SAMMSON: variants seen among roughly 807,000 people sequenced by gnomAD.
SAMMSON encodes survival associated mitochondrial melanoma specific oncogenic non-coding RNA.
At chr3:70,410,901 G>T (rs1271462594) in intron 2 of SAMMSON, among the ~76,000 whole-genome samples, 1 of 152,044 alleles carries the variant, frequency 6.6e-6, no homozygotes, top group African/African-American at 2.4e-5. Flanking sequence ...TAAGAAATTG[G>T]CATCTTTTAC....
Position 70,399,919 on chromosome 3 carries a change from T to TA in SAMMSON, n.233+41596dup, listed in dbSNP as rs1260766772. 1.2e-3 allele frequency among the ~76,000 whole-genome samples: 169 copies of TA among 146,358 alleles called. 4 individuals are homozygous for TA. The highest frequency in any genetic ancestry group is 4.3e-3 in the African/African-American group (161 of 37,754). ...ACCAAAACAACACCAACAACAAAAA[T>TA]ACTTTTGTGTATATCAGTTTTTCTC... On this transcript the variant is annotated intron_variant and non_coding_transcript_variant, in intron 2 of 3. Coordinates refer to the SAMMSON transcript ENST00000641053.
intron 3 of SAMMSON, among the ~76,000 whole-genome samples, chr3:70,037,868 G>T (rs1439940696): frequency 6.6e-6 from 1 of 152,148 alleles, no homozygotes; most frequent in Non-Finnish European, 1.5e-5. Context: ...GGAATTGTCA[G>T]ATAAAGCTAA....
chr3:70,268,358 G>C (rs1379932373), intron 6 of SAMMSON, among the ~76,000 whole-genome samples: 1 of 151,458 alleles, frequency 6.6e-6, no homozygotes, highest in Non-Finnish European at 1.5e-5. Context: ...ACCTGTAGTC[G>C]TAGCTACTTG....
At chr3:70,043,598 G>C (rs1430755511) in intron 3 of SAMMSON, among the ~76,000 whole-genome samples, 5 of 152,026 alleles carry the variant, frequency 3.3e-5, no homozygotes, top group African/African-American at 7.2e-5. Context: ...GGTACCAGTA[G>C]TTTTTTCTCT....
At chr3:70,306,271 C>T (rs2106705696) in intron 7 of SAMMSON, among the ~76,000 whole-genome samples, 1 of 152,140 alleles carries the variant, frequency 6.6e-6, no homozygotes, top group Admixed American at 6.5e-5. Flanking sequence ...ACGTGGCTAG[C>T]CCGGCTAATT....
At chr3:70,189,888 G>A (rs1276679351) in intron 4 of SAMMSON, among the ~76,000 whole-genome samples, 2 of 152,140 alleles carry the variant, frequency 1.3e-5, no homozygotes, top group Non-Finnish European at 2.9e-5. Context: ...TGCAGCTCCA[G>A]CTTTCAAAGA....
chr3:70,349,397 G>C (rs1030435019), intron 7 of SAMMSON, among the ~76,000 whole-genome samples: 1 of 151,836 alleles, frequency 6.6e-6, no homozygotes, highest in Non-Finnish European at 1.5e-5. Context: ...AATAATGGGA[G>C]GTCAGCTTTC....
At chr3:70,429,122 C>A (rs1203584210) in intron 2 of SAMMSON, among the ~76,000 whole-genome samples, 1 of 151,820 alleles carries the variant, frequency 6.6e-6, no homozygotes, top group Non-Finnish European at 1.5e-5. Context: ...GTCTTTAATC[C>A]ATCTTGAGTT....
At position 70,241,920 on chromosome 3, in the gene SAMMSON, A is replaced by T. The variant is rs1701669702; in HGVS notation, n.508-7187A>T. On this transcript the variant is annotated intron_variant and non_coding_transcript_variant, in intron 4 of 9. Coordinates refer to ENST00000642114, the Ensembl canonical transcript of SAMMSON. The stretch of plus-strand genomic sequence containing the variant: ...TGCCTGAGTCCAATAACCTGTGCTC[A>T]AAAGTTTCATTCTAAACTGTATAAT... 2.6e-5 allele frequency among the ~76,000 whole-genome samples: 4 copies of T among 152,230 alleles called. 1 individual carries two copies. In the South Asian group the frequency reaches 8.3e-4, roughly 31 times the overall value.
intron 4 of SAMMSON, among the ~76,000 whole-genome samples, chr3:70,224,095 T>C (rs2106738952): frequency 6.6e-6 from 1 of 152,224 alleles, no homozygotes; most frequent in South Asian, 2.1e-4. Context: ...TAGTGTAAAA[T>C]CCAAATCCCT....
chr3:70,205,046 C>G (rs1701277681), intron 4 of SAMMSON: 1 of 152,088 alleles, frequency 6.6e-6, no homozygotes, highest in Non-Finnish European at 1.5e-5. Flanking sequence ...ATCCTGAATT[C>G]AGAGTCATAA....
At chr3:70,157,285 G>A (rs892858924) in intron 4 of SAMMSON, among the ~76,000 whole-genome samples, 3 of 152,068 alleles carry the variant, frequency 2.0e-5, no homozygotes, top group South Asian at 4.1e-4. Context: ...TACGAGGAAC[G>A]ATGGTGAAGA....
chr3:70,419,703 A>G (rs1255372665), intron 2 of SAMMSON, among the ~76,000 whole-genome samples: 2 of 152,112 alleles, frequency 1.3e-5, no homozygotes, highest in Non-Finnish European at 2.9e-5. Flanking sequence ...TAGTGGTGCA[A>G]TTTCGGCTCA....
At chr3:70,130,762 T>C (rs566825570) in intron 4 of SAMMSON, among the ~76,000 whole-genome samples, 1 of 152,214 alleles carries the variant, frequency 6.6e-6, no homozygotes, top group Admixed American at 6.5e-5. Context: ...AACAAAACCA[T>C]GTGAGTGAAT....
At chr3:70,200,016 C>A (rs996445866) in intron 4 of SAMMSON, among the ~76,000 whole-genome samples, 1 of 152,138 alleles carries the variant, frequency 6.6e-6, no homozygotes, top group Non-Finnish European at 1.5e-5. Flanking sequence ...CAGATGAATT[C>A]GGCAGAAACC....
At chr3:70,381,681 A>AG (rs1237824088) in intron 9 of SAMMSON, among the ~76,000 whole-genome samples, 6 of 152,112 alleles carry the variant, frequency 3.9e-5, no homozygotes, top group Non-Finnish European at 7.4e-5. Context: ...AAGTAAGGGG[A>AG]GAAAAAAAAA....
intron 2 of SAMMSON, among the ~76,000 whole-genome samples, chr3:70,399,879 A>C (rs113965758): frequency 6.7e-6 from 1 of 149,064 alleles, no homozygotes; most frequent in South Asian, 2.1e-4. Flanking sequence ...AAAAAAAAAC[A>C]AAAAAACCCA....
intron 7 of SAMMSON, among the ~76,000 whole-genome samples, chr3:70,349,379 A>T (rs529262367): frequency 3.3e-5 from 5 of 152,276 alleles, no homozygotes; most frequent in Non-Finnish European, 7.3e-5. Flanking sequence ...GTCTTAAAAA[A>T]AAAATAAAAT....
intron 4 of SAMMSON, among the ~76,000 whole-genome samples, chr3:70,170,244 T>C (rs1700924417): frequency 6.6e-6 from 1 of 151,874 alleles, no homozygotes; most frequent in African/African-American, 2.4e-5. Context: ...TTTGTGCAGA[T>C]GTAGGAAAGG....
Sources: allele counts gnomAD v4.1 joint callset (sites outside exome capture counted in the v4.1 genomes callset), GRCh38; gene constraint gnomAD v4.1.1; transcripts MANE v1.5; gene names NCBI Gene and HGNC (gene_info 2026-07-23, HGNC 2026-07-21).